FOXR1: variants seen among roughly 807,000 people sequenced by gnomAD.
The protein encoded by FOXR1 is forkhead box protein R1.
A neutral mutation model predicts 34.5 loss-of-function variants in FOXR1; 25 were observed. The observed-to-expected ratio is 0.72, with a 90% confidence interval of 0.53 to 1.01. The LOEUF is 1.01. Ranked by LOEUF, FOXR1 falls within the 50% of genes least tolerant of loss-of-function variation. The pLI is 0.00. For synonymous variants in FOXR1, 153 were observed against 141.6 expected, an observed-to-expected ratio of 1.08 and a Z score of -0.57; for missense variants, 373 against 376.2, an observed-to-expected ratio of 0.99 and a Z score of 0.07.
chr11:118,980,791 A>T, intron 5 of FOXR1, 63 bp downstream of exon 5: 1 of 1,485,816 alleles, frequency 6.7e-7, no homozygotes, highest in Non-Finnish European at 9.1e-7. Flanking sequence ...ACCCAAGGCC[A>T]AGTGTGGAAG....
intron 1 of FOXR1, 100 bp from the exon 2 acceptor site, chr11:118,978,682 C>T: frequency 1.6e-6 from 2 of 1,254,532 alleles, no homozygotes; most frequent in Non-Finnish European, 2.3e-6. Context: ...CAAGGCAGGG[C>T]CCACAACCTT....
At position 118,981,227 on chromosome 11, in the gene FOXR1, T is replaced by G; in HGVS notation, c.870T>G (p.Phe290Leu). 2 of 1,614,140 alleles carry G rather than the reference T, an allele frequency of 1.2e-6. No individual in the cohort carries two copies. Among genetic ancestry groups the G allele is most frequent in the Non-Finnish European group, 1.7e-6 (2 of 1,179,994 alleles). The change falls in exon 6 of 6, where the codon TTT (phenylalanine) becomes TTG (leucine). Residue 290 changes from phenylalanine to leucine, a missense_variant. Physicochemically the swap from Phe to Leu is conservative, Grantham distance 22. Transcript: ENST00000317011. ...TTACAGATGTGATGCCCTTCCTCTT[T>G]GATCTTTAACCCCAAGAAGCAACAG... ...MSQPDVMPFL[F>L]DL
intron 1 of FOXR1, among the ~76,000 whole-genome samples, chr11:118,973,069 C>T (rs944081767): frequency 7.0e-6 from 1 of 143,024 alleles, no homozygotes; most frequent in African/African-American, 2.7e-5. Flanking sequence ...ATTCTATCGG[C>T]TGGGTGTCCC....
At chr11:118,978,498 G>A (rs186652358) in intron 1 of FOXR1, among the ~76,000 whole-genome samples, 1 of 152,316 alleles carries the variant, frequency 6.6e-6, no homozygotes, top group East Asian at 1.9e-4. Context: ...CTAGGCTAGA[G>A]GTGAAGATTT....
chr11:118,978,977 C>T lies in FOXR1; in HGVS notation c.157C>T (p.Leu53Phe), dbSNP rs1157900402. The change falls in exon 3 of 6, where the codon CTC becomes TTC. Residue 53 changes from leucine to phenylalanine, a missense_variant. Coordinates refer to ENST00000317011, the MANE Select transcript of FOXR1 (RefSeq NM_181721.3). ...DKDGPDYEPN[L>F]WMWVNPNIVY... ...CACAGGTCCAGATTATGAGCCCAAC[C>T]TCTGGATGTGGGTAAATCCCAACAT... The T allele has an allele frequency of 2.5e-6, 4 of 1,604,924 alleles. No homozygotes were observed. The highest frequency in any genetic ancestry group is 2.7e-5 in the African/African-American group (2 of 74,566).
In FOXR1 at chr11:118,979,071, C is replaced by T. The variant is rs963712326; in HGVS notation, c.251C>T (p.Pro84Leu). ...AGGGAGGACCTGACAAGCACACTCCCCTCCTCTCAGCCACCCCAGAAGGAG... is the reference window on the plus strand; with the variant it reads ...AGGGAGGACCTGACAAGCACACTCCTCTCCTCTCAGCCACCCCAGAAGGAG... ...RKREDLTSTL[P>L]SSQPPQKEED... is the part of the protein sequence containing the mutation. Residue 84 changes from proline to leucine, a missense_variant, in exon 3 of 6, where the codon CCC (proline) becomes CTC (leucine). Pro to Leu is a moderately conservative substitution (Grantham distance 98). Coordinates refer to ENST00000317011, the MANE Select transcript of FOXR1 (RefSeq NM_181721.3). The T allele has an allele frequency of 2.5e-6, 4 of 1,605,996 alleles. No individual in the cohort carries two copies. Among genetic ancestry groups the T allele is most frequent in the Non-Finnish European group, 2.6e-6 (3 of 1,176,444 alleles).
chr11:118,971,881 G>T lies in FOXR1; in HGVS notation c.-51G>T. On this transcript the variant is annotated 5_prime_UTR_variant, in exon 1 of 6. Coordinates refer to ENST00000317011, the MANE Select transcript of FOXR1 (RefSeq NM_181721.3). ...GGTGGACGTGAAGCTCCAACACCTCGACTTCTGGGCCCGCCTCCATGGCCA... is the reference window on the plus strand; with the variant it reads ...GGTGGACGTGAAGCTCCAACACCTCTACTTCTGGGCCCGCCTCCATGGCCA... 1.3e-6 allele frequency: 2 copies of T among 1,544,218 alleles called. No individual in the cohort carries two copies. The highest frequency in any genetic ancestry group is 1.8e-6 in the Non-Finnish European group (2 of 1,140,884).
At chr11:118,972,423 C>CAA (rs1379049765) in intron 1 of FOXR1, among the ~76,000 whole-genome samples, 2 of 152,058 alleles carry the variant, frequency 1.3e-5, no homozygotes, top group African/African-American at 4.8e-5. Flanking sequence ...TCGTTTTATC[C>CAA]ATGGCTGTAT....
intron 1 of FOXR1, among the ~76,000 whole-genome samples, chr11:118,977,797 T>C (rs1215345186): frequency 6.6e-6 from 1 of 152,116 alleles, no homozygotes; most frequent in Non-Finnish European, 1.5e-5. Context: ...AGACAAAGAA[T>C]ACAGGAAGGC....
chr11:118,972,801 T>A (rs1941731067), intron 1 of FOXR1, among the ~76,000 whole-genome samples: 1 of 152,038 alleles, frequency 6.6e-6, no homozygotes, highest in Admixed American at 6.6e-5. Context: ...TTTTTTTATT[T>A]TTAGTAGAGG....
At chr11:118,979,242 T>C in intron 3 of FOXR1, 38 bp downstream of exon 3, 1 of 1,507,042 alleles carries the variant, frequency 6.6e-7, no homozygotes, top group Non-Finnish European at 8.8e-7. Flanking sequence ...ACTTGGGCAG[T>C]AGGCGAGGGG....
In FOXR1 at chr11:118,971,837, C is replaced by A; in HGVS notation, c.-95C>A. On this transcript the variant is annotated 5_prime_UTR_variant, in exon 1 of 6. Coordinates refer to ENST00000317011, the MANE Select transcript of FOXR1 (RefSeq NM_181721.3). Reference sequence around the variant, plus strand: ...TCCGCGTCCCCACTCCGCGCCGCCGCGCCTCTGCCAGCCCCGAAGGTGGAC... The same window carrying A: ...TCCGCGTCCCCACTCCGCGCCGCCGAGCCTCTGCCAGCCCCGAAGGTGGAC... The A allele has an allele frequency of 7.2e-7, 1 of 1,391,280 alleles. No homozygotes were observed. Among genetic ancestry groups the A allele is most frequent in the Non-Finnish European group, 9.9e-7 (1 of 1,006,730 alleles). The allele number at this position is 1,391,280 out of a possible 1,614,324, so 86.2% of individuals were successfully genotyped here.
intron 1 of FOXR1, 100 bp downstream of exon 1, chr11:118,972,092 C>A: frequency 1.7e-6 from 2 of 1,166,508 alleles, no homozygotes; most frequent in Non-Finnish European, 2.4e-6. Context: ...CCTTCGCCCC[C>A]ACCTCCCGGG....
At chr11:118,973,567 T>G (rs887872972) in intron 1 of FOXR1, among the ~76,000 whole-genome samples, 3 of 151,942 alleles carry the variant, frequency 2.0e-5, no homozygotes, top group Non-Finnish European at 4.4e-5. Flanking sequence ...GCCCAGCTAA[T>G]TTTTGTATTT....
intron 1 of FOXR1, among the ~76,000 whole-genome samples, chr11:118,972,841 C>G (rs1024787762): frequency 6.6e-6 from 1 of 152,020 alleles, no homozygotes; most frequent in African/African-American, 2.4e-5. Context: ...CCATGTCGGC[C>G]TCCCAAAAGT....
chr11:118,972,126 C>A, intron 1 of FOXR1, 134 bp downstream of exon 1: 1 of 468,198 alleles, frequency 2.1e-6, no homozygotes, highest in Non-Finnish European at 3.2e-6. Flanking sequence ...CCGAGCGCCC[C>A]GCGCCCCCCC....
intron 5 of FOXR1, 87 bp from the exon 6 acceptor site, chr11:118,981,121 C>T: frequency 7.6e-7 from 1 of 1,321,382 alleles, no homozygotes; most frequent in South Asian, 1.2e-5. Flanking sequence ...GTGAAAGAAG[C>T]AGATGACCTG....
intron 1 of FOXR1, among the ~76,000 whole-genome samples, chr11:118,976,556 G>A (rs981004081): frequency 6.6e-6 from 1 of 152,176 alleles, no homozygotes; most frequent in Admixed American, 6.5e-5. Context: ...TAAACCAGGA[G>A]GTCAGTAGAT....
chr11:118,979,703 G>A, intron 4 of FOXR1, 35 bp downstream of exon 4: 3 of 1,539,332 alleles, frequency 1.9e-6, no homozygotes, highest in Non-Finnish European at 2.6e-6. Context: ...AGGGGGAAGT[G>A]GGGGCCAGGG....
Sources: gnomAD v4.1 joint callset for allele counts (sites outside exome capture counted in the v4.1 genomes callset) on GRCh38, gnomAD v4.1.1 for gene constraint, MANE v1.5 for transcripts, NCBI Gene and HGNC (gene_info 2026-07-23, HGNC 2026-07-21) for gene names.